The following SH3BP4 variants were observed in gnomAD, a reference collection of about 807,000 sequenced individuals.
SH3BP4 encodes the protein SH3 domain binding protein 4, also known as SH3 domain-binding protein 4.
A neutral mutation model predicts 65.5 loss-of-function variants in SH3BP4; 33 were observed. The observed-to-expected ratio is 0.50, with a 90% CI of 0.38 to 0.67. The LOEUF (loss-of-function observed/expected upper bound fraction) is 0.67. Ranked by LOEUF, SH3BP4 falls within the 30% of genes least tolerant of loss-of-function variation. The pLI is 0.00. For synonymous variants in SH3BP4, 552 were observed against 545.5 expected, an observed-to-expected ratio of 1.01 and a Z score of -0.17; for missense variants, 1,134 against 1,261.4, an observed-to-expected ratio of 0.90 and a Z score of 1.53.
chr2:235,024,140 C>G (rs1186879819), intron 2 of SH3BP4, among the ~76,000 whole-genome samples: 1 of 152,230 alleles, frequency 6.6e-6, no homozygotes, highest in Non-Finnish European at 1.5e-5. Context: ...ACAAATTGTA[C>G]TCATTGCTTA....
chr2:234,973,108 G>A (rs756262559), intron 1 of SH3BP4, among the ~76,000 whole-genome samples: 2 of 152,148 alleles, frequency 1.3e-5, no homozygotes, highest in African/African-American at 4.8e-5. Flanking sequence ...AAAATCACCC[G>A]ACTTCCCTTA....
At chr2:234,996,784 G>C (rs1357250651) in intron 2 of SH3BP4, among the ~76,000 whole-genome samples, 1 of 152,252 alleles carries the variant, frequency 6.6e-6, no homozygotes, top group Non-Finnish European at 1.5e-5. Context: ...TGTGCGGCAT[G>C]GTTCTCTTTG....
chr2:234,961,989 C>T (rs1692725231), intron 1 of SH3BP4, among the ~76,000 whole-genome samples: 1 of 152,074 alleles, frequency 6.6e-6, no homozygotes, highest in South Asian at 2.1e-4. Flanking sequence ...GCAGCAAGTG[C>T]CGGAGGCCCC....
In SH3BP4 at chr2:235,042,081, G is replaced by A. The variant is rs375345068; in HGVS notation, c.1312G>A (p.Val438Ile). The A allele has an allele frequency of 6.9e-5, 111 of 1,613,954 alleles. No homozygotes were observed. The highest frequency in any genetic ancestry group is 6.6e-4 in the Middle Eastern group (4 of 6,062). ...GCTCAACTGCAGCTGTGGGGACACGGTCCAGGCACAGCTGCACAACCTGGA... is the reference window on the plus strand; with the variant it reads ...GCTCAACTGCAGCTGTGGGGACACGATCCAGGCACAGCTGCACAACCTGGA... ...VPLNCSCGDTVQAQLHNLEPC... is the reference protein window; with the variant it reads ...VPLNCSCGDTIQAQLHNLEPC... Residue 438 changes from valine (V) to isoleucine (I), a missense_variant, in exon 4 of 6, where the codon GTC becomes ATC. Coordinates refer to ENST00000392011, the MANE Select transcript of SH3BP4 (RefSeq NM_014521.3). The surrounding 1 kb of genome is among the most constrained non-coding windows in gnomAD (Gnocchi z 7.3).
chr2:235,004,017 G>A (rs549425495), intron 2 of SH3BP4, among the ~76,000 whole-genome samples: 129 of 152,242 alleles, frequency 8.5e-4, no homozygotes, highest in African/African-American at 2.9e-3. Context: ...AACTGCTCCC[G>A]GCTCCTGGCT....
At chr2:234,969,128 C>T (rs116482686) in intron 1 of SH3BP4, among the ~76,000 whole-genome samples, 1,595 of 152,326 alleles carry the variant, frequency 0.01, 18 homozygotes, top group Middle Eastern at 0.027. Context: ...GCCTCTTCCC[C>T]GTAGCCACAG....
At chr2:234,963,833 T>C (rs10178377) in intron 1 of SH3BP4, among the ~76,000 whole-genome samples, 124,303 of 152,110 alleles carry the variant, frequency 0.82, 51,525 homozygotes, top group Middle Eastern at 0.9. Context: ...TGTGACAAGA[T>C]GGACTGCAGT....
chr2:234,988,144 T>C (rs919819959), intron 1 of SH3BP4, among the ~76,000 whole-genome samples: 6 of 152,100 alleles, frequency 3.9e-5, no homozygotes, highest in African/African-American at 7.2e-5. Context: ...ACTGCATCCT[T>C]CGCCTCCCGG....
intron 4 of SH3BP4, among the ~76,000 whole-genome samples, chr2:235,050,374 C>A (rs544052678): frequency 1.3e-5 from 2 of 152,204 alleles, no homozygotes; most frequent in South Asian, 4.1e-4. Flanking sequence ...GCCTCAGCCT[C>A]CCAAAGTGCT....
Position 235,053,759 on chromosome 2 carries a change from G to C in SH3BP4, c.2835G>C (p.Leu945=), listed in dbSNP as rs765648156. 16 of 1,614,086 alleles carry C rather than the reference G, an allele frequency of 9.9e-6. No homozygotes were observed. The Admixed American group carries it at 1.5e-4, about 15-fold the overall frequency. ...LTGTLILVNS[L]DVLRAAAFSP... ...GGACTCTGATCTTGGTGAACTCCCT[G>C]GACGTTCTGAGAGCAGCCGCCTTCA... The change falls in exon 6 of 6, where the codon CTG becomes CTC. Residue 945 remains leucine, a synonymous_variant. Transcript: ENST00000392011.
At position 234,977,240 on chromosome 2, in the gene SH3BP4, G is replaced by A. The variant is rs1471595475; in HGVS notation, c.-206-18063G>A. Among the ~76,000 whole-genome samples, 5 of 152,154 alleles carry A rather than the reference G, an allele frequency of 3.3e-5. No homozygotes were observed. The highest frequency in any genetic ancestry group is 6.5e-5 in the Admixed American group (1 of 15,278). On this transcript the variant is annotated intron_variant, in intron 1 of 5. Coordinates refer to ENST00000392011, the MANE Select transcript of SH3BP4 (RefSeq NM_014521.3). This position sits in a 1 kb window ranked among gnomAD's most constrained non-coding sequence, Gnocchi z 5.1. ...CAGGTGACACTGGGCACCTCCTGCC[G>A]GGGAGAAGCTCAGGGTCCCCATTTC... is the stretch of plus-strand genomic sequence containing the variant.
At chr2:235,005,520 A>G (rs920625449) in intron 2 of SH3BP4, among the ~76,000 whole-genome samples, 5 of 152,044 alleles carry the variant, frequency 3.3e-5, no homozygotes, top group Non-Finnish European at 5.9e-5. Flanking sequence ...TCTCAGCCCT[A>G]CTGAGTGAAG....
intron 1 of SH3BP4, among the ~76,000 whole-genome samples, chr2:234,956,172 A>G (rs1692581957): frequency 6.6e-6 from 1 of 152,090 alleles, no homozygotes; most frequent in Non-Finnish European, 1.5e-5. Flanking sequence ...TGAAACCCTC[A>G]CCCCGTCACC....
chr2:235,038,057 G>A (rs892012901), intron 3 of SH3BP4, among the ~76,000 whole-genome samples: 2 of 150,410 alleles, frequency 1.3e-5, no homozygotes, highest in African/African-American at 4.9e-5. Flanking sequence ...CCCGCTACGC[G>A]CCAGGCCTTG....
At chr2:234,955,963 T>TC (rs1224667925) in intron 1 of SH3BP4, among the ~76,000 whole-genome samples, 2 of 152,114 alleles carry the variant, frequency 1.3e-5, no homozygotes, top group Admixed American at 1.3e-4. Context: ...TCATCACATC[T>TC]CCCGGGGTGC....
chr2:234,969,886 GTC>G (rs999554153), intron 1 of SH3BP4, among the ~76,000 whole-genome samples: 6 of 150,546 alleles, frequency 4.0e-5, no homozygotes, highest in African/African-American at 1.5e-4. Context: ...CACTCTCGCT[GTC>G]TCTCACACAC....
intron 1 of SH3BP4, among the ~76,000 whole-genome samples, chr2:234,990,634 G>A (rs1000006154): frequency 5.3e-5 from 8 of 152,242 alleles, no homozygotes; most frequent in African/African-American, 1.9e-4. Context: ...TGAGTTGGGT[G>A]AAGAGTTCAC....
intron 4 of SH3BP4, among the ~76,000 whole-genome samples, chr2:235,050,285 T>G (rs1696007574): frequency 6.6e-6 from 1 of 151,998 alleles, no homozygotes; most frequent in Non-Finnish European, 1.5e-5. Context: ...CCGGCTAATT[T>G]TTTTTGTACT....
Position 234,974,447 on chromosome 2 carries a change from C to T in SH3BP4, c.-206-20856C>T, listed in dbSNP as rs534698530. 3.3e-4 allele frequency among the ~76,000 whole-genome samples: 50 copies of T among 152,200 alleles called. 1 individual carries two copies. Among genetic ancestry groups the T allele is most frequent in the Non-Finnish European group, 6.3e-4 (43 of 68,046 alleles). On this transcript the variant is annotated intron_variant, in intron 1 of 5. Coordinates refer to ENST00000392011, the MANE Select transcript of SH3BP4 (RefSeq NM_014521.3). The surrounding 1 kb of genome is among the most constrained non-coding windows in gnomAD (Gnocchi z 4.6). Reference sequence around the variant, plus strand: ...CATTTCACTGCTCCATAAAATGCTACGTTGGTGAAATGGGCAGGATGAGTT... The same window carrying T: ...CATTTCACTGCTCCATAAAATGCTATGTTGGTGAAATGGGCAGGATGAGTT...
Sources: gnomAD v4.1 joint callset for allele counts (sites outside exome capture counted in the v4.1 genomes callset) on GRCh38, gnomAD v4.1.1 for gene constraint, Gnocchi (gnomAD v3.1) non-coding constraint, MANE v1.5 for transcripts, NCBI Gene and HGNC (gene_info 2026-07-23, HGNC 2026-07-21) for gene names.